The following SETD2 variants were observed in gnomAD, a reference collection of about 807,000 sequenced individuals.
The protein encoded by SETD2 is SET domain containing 2, histone lysine methyltransferase.
A neutral mutation model predicts 242.1 loss-of-function variants in SETD2; 31 were observed. The observed-to-expected ratio is 0.13, with a 90% CI of 0.10 to 0.17. The LOEUF (loss-of-function observed/expected upper bound fraction) is 0.17, where lower values mean the gene tolerates loss of function less well. SETD2 is among the 10% of genes least tolerant of loss of function. The pLI is 1.00. For synonymous variants in SETD2, 1,006 were observed against 1,066.5 expected, an observed-to-expected ratio of 0.94 and a Z score of 1.11; for missense variants, 2,481 against 3,046.3, an observed-to-expected ratio of 0.81 and a Z score of 4.37.
intron 6 of SETD2, among the ~76,000 whole-genome samples, chr3:47,103,804 G>T (rs1253485188): frequency 2.0e-5 from 3 of 152,140 alleles, no homozygotes; most frequent in African/African-American, 7.2e-5. Flanking sequence ...CTGTCACACT[G>T]CTTCCCACTT....
chr3:47,069,749 G>C (rs1181462228), intron 12 of SETD2, among the ~76,000 whole-genome samples: 3 of 152,170 alleles, frequency 2.0e-5, no homozygotes, highest in African/African-American at 7.2e-5. Context: ...TCAATTTCTA[G>C]CTGTGGGTAA....
chr3:47,080,037 C>T (rs888566868), intron 12 of SETD2, among the ~76,000 whole-genome samples: 1 of 152,132 alleles, frequency 6.6e-6, no homozygotes, highest in African/African-American at 2.4e-5. Context: ...AACATAATTT[C>T]ATTTTCAAAT....
intron 15 of SETD2, among the ~76,000 whole-genome samples, chr3:47,053,179 T>C (rs2039922661): frequency 6.6e-6 from 1 of 152,088 alleles, no homozygotes; most frequent in South Asian, 2.1e-4. Context: ...TGAGCCACCA[T>C]GCCCGGCCTA....
chr3:47,087,568 T>C (rs748936675), intron 10 of SETD2, among the ~76,000 whole-genome samples: 4 of 152,274 alleles, frequency 2.6e-5, no homozygotes, highest in Non-Finnish European at 5.9e-5. Context: ...GGCCTGGGGA[T>C]TGGGGATCCC....
intron 1 of SETD2, among the ~76,000 whole-genome samples, chr3:47,151,363 T>C (rs1307874522): frequency 6.6e-6 from 1 of 151,976 alleles, no homozygotes; most frequent in African/African-American, 2.4e-5. Flanking sequence ...AAAACTTATA[T>C]GAAAAAATAG....
intron 6 of SETD2, among the ~76,000 whole-genome samples, chr3:47,103,783 G>T (rs1188062081): frequency 1.3e-5 from 2 of 152,078 alleles, no homozygotes; most frequent in African/African-American, 4.8e-5. Context: ...CTTTGCCCTT[G>T]CTTCAGAGAA....
intron 13 of SETD2, among the ~76,000 whole-genome samples, chr3:47,063,708 G>A (rs2040436990): frequency 6.6e-6 from 1 of 152,216 alleles, no homozygotes; most frequent in Non-Finnish European, 1.5e-5. Flanking sequence ...ATCTCGGCCG[G>A]GCACTGTGGC....
At chr3:47,075,876 T>A (rs2041051865) in intron 12 of SETD2, among the ~76,000 whole-genome samples, 1 of 152,140 alleles carries the variant, frequency 6.6e-6, no homozygotes, top group Admixed American at 6.5e-5. Flanking sequence ...AAATAAAAAA[T>A]ATGTTCTAGG....
chr3:47,038,100 A>C lies in SETD2; in HGVS notation c.7239-323T>G, dbSNP rs571141776. Among the ~76,000 whole-genome samples the C allele has an allele frequency of 2.2e-3, 333 of 152,336 alleles. 1 individual carries two copies. Among genetic ancestry groups the C allele is most frequent in the African/African-American group, 7.4e-3 (308 of 41,582 alleles). ...TGCAAATAAGACTGGGCAAAGCCTAAAATGTACAGGAAATAGGTCCCTGCC... is the reference window on the plus strand; with the variant it reads ...TGCAAATAAGACTGGGCAAAGCCTACAATGTACAGGAAATAGGTCCCTGCC... On this transcript the variant is annotated intron_variant, in intron 17 of 20. Transcript: ENST00000409792.
At chr3:47,042,257 G>A (rs1255942435) in intron 17 of SETD2, among the ~76,000 whole-genome samples, 1 of 152,230 alleles carries the variant, frequency 6.6e-6, no homozygotes, top group Admixed American at 6.5e-5. Flanking sequence ...AGCTACTGGG[G>A]AGGCTGAGGC....
chr3:47,023,036 GA>G (rs781516680), intron 18 of SETD2, among the ~76,000 whole-genome samples: 4 of 152,186 alleles, frequency 2.6e-5, no homozygotes, highest in Non-Finnish European at 4.4e-5. Context: ...TTGAGTTACA[GA>G]AATGAGTCCT....
chr3:47,022,282 T>C (rs575546477), intron 18 of SETD2, among the ~76,000 whole-genome samples: 1 of 150,710 alleles, frequency 6.6e-6, no homozygotes, highest in Non-Finnish European at 1.5e-5. Context: ...CCCAGCACTT[T>C]GGGAGGCCAA....
chr3:47,154,472 T>C (rs1346386276), intron 1 of SETD2, among the ~76,000 whole-genome samples: 2 of 151,844 alleles, frequency 1.3e-5, no homozygotes, highest in South Asian at 2.1e-4. Flanking sequence ...ATACAGAATG[T>C]AGGAAAAAGG....
intron 13 of SETD2, among the ~76,000 whole-genome samples, chr3:47,065,680 A>G (rs989789118): frequency 6.6e-6 from 1 of 152,154 alleles, no homozygotes; most frequent in African/African-American, 2.4e-5. Context: ...GCACACACCT[A>G]TAGTCTCAGC....
At chr3:47,076,431 A>G (rs1398858199) in intron 12 of SETD2, among the ~76,000 whole-genome samples, 6 of 152,236 alleles carry the variant, frequency 3.9e-5, no homozygotes, top group Non-Finnish European at 2.9e-5. Flanking sequence ...TATATTTCCG[A>G]AAGATTGCTC....
Position 47,120,561 on chromosome 3 carries a change from A to T in SETD2, c.4075T>A (p.Ser1359Thr), listed in dbSNP as rs369469691. 2 of 1,614,116 alleles carry T rather than the reference A, an allele frequency of 1.2e-6. No homozygotes were observed. The highest frequency in any genetic ancestry group is 1.7e-6 in the Non-Finnish European group (2 of 1,180,024). The change falls in exon 3 of 21, where the codon TCC (serine) becomes ACC (threonine). Residue 1359 changes from serine to threonine, a missense_variant. By Grantham distance (58) the Ser-to-Thr change is moderately conservative. Coordinates refer to ENST00000409792, the MANE Select transcript of SETD2 (RefSeq NM_014159.7). The part of the protein sequence containing the change: ...FSDQSDKFLL[S>T]LQKDKGSVQA... ...ACTGACCCCTTGTCTTTCTGAAGGG[A>T]TAGAAGAAATTTATCGGACTGGTCT... is the stretch of plus-strand genomic sequence containing the variant.
chr3:47,145,386 C>A, intron 1 of SETD2: 1 of 247,256 alleles, frequency 4.0e-6, no homozygotes. Context: ...TGTTGTATGC[C>A]TGTGTTTTGT....
intron 16 of SETD2, among the ~76,000 whole-genome samples, chr3:47,043,548 C>CTAGT (rs2039378504): frequency 6.6e-6 from 1 of 152,176 alleles, no homozygotes; most frequent in Non-Finnish European, 1.5e-5. Context: ...CCCTAGCAGA[C>CTAGT]TAGTAATCAC....
At chr3:47,142,182 A>C (rs1360476018) in intron 1 of SETD2, among the ~76,000 whole-genome samples, 1 of 152,180 alleles carries the variant, frequency 6.6e-6, no homozygotes, top group African/African-American at 2.4e-5. Flanking sequence ...CAGCTTCAAA[A>C]AGTTCTAATT....
Sources: allele counts gnomAD v4.1 joint callset (sites outside exome capture counted in the v4.1 genomes callset), GRCh38; gene constraint gnomAD v4.1.1; transcripts MANE v1.5; gene names NCBI Gene and HGNC (gene_info 2026-07-23, HGNC 2026-07-21).